RBFOX1: variants seen among roughly 807,000 people sequenced by gnomAD.
RBFOX1 encodes RNA binding protein fox-1 homolog 1.
A neutral mutation model predicts 57.7 loss-of-function variants in RBFOX1; 8 were observed. The observed-to-expected ratio is 0.14, with a 90% CI of 0.08 to 0.25. The LOEUF (loss-of-function observed/expected upper bound fraction) is 0.25, where lower values mean the gene tolerates loss of function less well. Ranked by LOEUF, RBFOX1 falls within the 10% of genes least tolerant of loss-of-function variation. The pLI, the probability that RBFOX1 is intolerant of heterozygous loss-of-function variation, is 1.00. For synonymous variants in RBFOX1, 326 were observed against 222.4 expected, an observed-to-expected ratio of 1.47 and a Z score of -4.15; for missense variants, 611 against 548.5, an observed-to-expected ratio of 1.11 and a Z score of -1.14.
rs549874184 is a variant in RBFOX1, at chr16:6,131,605, G to A, written c.-127+111613G>A. Among the ~76,000 whole-genome samples the A allele has an allele frequency of 3.9e-5, 6 of 152,302 alleles. No homozygotes were observed. In the South Asian group the frequency reaches 1.2e-3, roughly 32 times the overall value. ...AGTTTATAAAACTGTGTGGACAGAA[G>A]TTGCGGAATTGCTCCTTTCAAGATT... On this transcript the variant is annotated intron_variant, in intron 1 of 15. Coordinates refer to ENST00000550418, the MANE Select transcript of RBFOX1 (RefSeq NM_018723.4).
At chr16:7,167,682 A>G (rs1161887890) in intron 4 of RBFOX1, among the ~76,000 whole-genome samples, 1 of 152,230 alleles carries the variant, frequency 6.6e-6, no homozygotes, top group Non-Finnish European at 1.5e-5. Context: ...GAGGGCTGCA[A>G]ACTAAGGCCT....
At chr16:6,038,655 A>C (rs750297070) in intron 1 of RBFOX1, 1 of 148,506 alleles carries the variant, frequency 6.7e-6, no homozygotes, top group Non-Finnish European at 1.5e-5. Context: ...AGCACTTAGT[A>C]GGAGCTTTTG....
intron 2 of RBFOX1, among the ~76,000 whole-genome samples, chr16:5,594,416 A>G (rs1280285001): frequency 8.3e-6 from 1 of 120,598 alleles, no homozygotes; most frequent in Non-Finnish European, 1.9e-5. Flanking sequence ...GGCCTGTGAC[A>G]CAGCCTCAGG....
chr16:7,037,990 T>A (rs1011439349), intron 3 of RBFOX1, among the ~76,000 whole-genome samples: 4 of 152,156 alleles, frequency 2.6e-5, no homozygotes, highest in African/African-American at 7.2e-5. Flanking sequence ...AGAAAAAAAA[T>A]TACAGTTAAA....
chr16:6,375,188 C>T (rs1322657029), intron 2 of RBFOX1, among the ~76,000 whole-genome samples: 1 of 151,996 alleles, frequency 6.6e-6, no homozygotes, highest in Non-Finnish European at 1.5e-5. Context: ...ACACCAACTG[C>T]AAGAGGGTAT....
At chr16:5,776,029 C>T (rs1374300246) in intron 3 of RBFOX1, among the ~76,000 whole-genome samples, 1 of 148,958 alleles carries the variant, frequency 6.7e-6, no homozygotes, top group Non-Finnish European at 1.5e-5. Context: ...TCTTCAAGAG[C>T]CCAATGAATC....
At chr16:7,692,077 C>G (rs2077471046) in intron 14 of RBFOX1, among the ~76,000 whole-genome samples, 1 of 152,114 alleles carries the variant, frequency 6.6e-6, no homozygotes, top group African/African-American at 2.4e-5. Flanking sequence ...TATTGCTCCT[C>G]TAACATAGGG....
chr16:6,410,705 G>T (rs1313331160), intron 2 of RBFOX1, among the ~76,000 whole-genome samples: 1 of 152,292 alleles, frequency 6.6e-6, no homozygotes, highest in African/African-American at 2.4e-5. Context: ...GTTGAATCAC[G>T]TGTGTCTATC....
intron 2 of RBFOX1, among the ~76,000 whole-genome samples, chr16:5,532,552 C>G (rs896417977): frequency 1.3e-5 from 2 of 152,288 alleles, no homozygotes; most frequent in East Asian, 1.9e-4. Flanking sequence ...AGGTTAGTCT[C>G]TAAATCTATA....
chr16:5,496,954 T>C (rs974083963), intron 2 of RBFOX1, among the ~76,000 whole-genome samples: 1 of 152,246 alleles, frequency 6.6e-6, no homozygotes, highest in African/African-American at 2.4e-5. Context: ...CTAAGTGATA[T>C]TTATATCTGC....
chr16:7,482,328 A>T (rs181319393), intron 4 of RBFOX1, among the ~76,000 whole-genome samples: 12 of 152,182 alleles, frequency 7.9e-5, no homozygotes, highest in Admixed American at 7.2e-4. Flanking sequence ...TTACAGTCCC[A>T]CTTTACCGGT....
intron 3 of RBFOX1, among the ~76,000 whole-genome samples, chr16:5,635,993 G>A (rs2048671396): frequency 6.6e-6 from 1 of 152,102 alleles, no homozygotes; most frequent in Non-Finnish European, 1.5e-5. Context: ...AGGATTTCCT[G>A]AGGCCAGCAG....
In RBFOX1 at chr16:7,241,596, A is replaced by ATGTTT. The variant is rs527848129; in HGVS notation, c.27+189500_27+189504dup. 6.5e-3 allele frequency among the ~76,000 whole-genome samples: 988 copies of ATGTTT among 152,234 alleles called. 3 individuals carry two copies. The highest frequency in any genetic ancestry group is 0.031 in the Middle Eastern group (9 of 294). ...GGGCATTGCAAGAGGGTTACTTAAA[A>ATGTTT]TGTTTTATCTGGAATTTATAATAAA... On this transcript the variant is annotated intron_variant, in intron 4 of 15. Transcript: ENST00000550418.
At chr16:6,365,600 C>A (rs974658096) in intron 2 of RBFOX1, among the ~76,000 whole-genome samples, 3 of 152,134 alleles carry the variant, frequency 2.0e-5, no homozygotes, top group Non-Finnish European at 2.9e-5. Flanking sequence ...CATATGCTAT[C>A]TTTTTTTGTG....
At chr16:5,830,648 G>T (rs1227874284) in intron 3 of RBFOX1, among the ~76,000 whole-genome samples, 2 of 152,124 alleles carry the variant, frequency 1.3e-5, no homozygotes, top group African/African-American at 4.8e-5. Context: ...CAGCAGCTAG[G>T]ATGATCTTTG....
At chr16:7,469,184 T>C (rs1381796825) in intron 4 of RBFOX1, among the ~76,000 whole-genome samples, 4 of 151,990 alleles carry the variant, frequency 2.6e-5, no homozygotes, top group African/African-American at 9.7e-5. Flanking sequence ...TCTACCCGAC[T>C]TGGCCTCCCA....
At chr16:7,020,616 G>C (rs536839436) in intron 3 of RBFOX1, among the ~76,000 whole-genome samples, 1 of 152,284 alleles carries the variant, frequency 6.6e-6, no homozygotes, top group African/African-American at 2.4e-5. Flanking sequence ...CAGAAGATCA[G>C]ACATGTCCAC....
At chr16:5,676,995 G>T (rs1228403356) in intron 3 of RBFOX1, among the ~76,000 whole-genome samples, 1 of 152,252 alleles carries the variant, frequency 6.6e-6, no homozygotes, top group Non-Finnish European at 1.5e-5. Flanking sequence ...ACAAACAGGT[G>T]TGAAGTAAAT....
chr16:5,600,486 C>CAAAA (rs34621437), downstream of RBFOX1, among the ~76,000 whole-genome samples: 4 of 90,270 alleles, frequency 4.4e-5, no homozygotes, highest in African/African-American at 1.4e-4. Flanking sequence ...GAGCCTGTCT[C>CAAAA]AAAAAAAAAA....
Sources: allele counts gnomAD v4.1 joint callset (sites outside exome capture counted in the v4.1 genomes callset), GRCh38; gene constraint gnomAD v4.1.1; transcripts MANE v1.5; gene names NCBI Gene and HGNC (gene_info 2026-07-23, HGNC 2026-07-21).